Variants in ATP13A2 observed in about 807,000 individuals in gnomAD.
The protein encoded by ATP13A2 is polyamine-transporting ATPase 13A2.
In ATP13A2, 83 loss-of-function variants were observed where a neutral mutation model predicts 138.3. The ratio of observed to expected loss-of-function variants is 0.60; its 90% CI spans 0.50 to 0.72. The LOEUF (loss-of-function observed/expected upper bound fraction) is 0.72. Among genes scored for constraint, ATP13A2 ranks in the 30% least tolerant of loss-of-function variants. The pLI is 0.00. For missense variants in ATP13A2, 1,402 were observed against 1,606.4 expected (o/e 0.87, Z 2.17); for synonymous variants, 663 against 699.0 (o/e 0.95, Z 0.81).
intron 11 of ATP13A2, 129 bp downstream of exon 11, chr1:16,999,880 AAC>A (rs1327298151): frequency 2.0e-5 from 26 of 1,283,310 alleles, no homozygotes; most frequent in Non-Finnish European, 2.5e-5. Context: ...CAGCCTGGAC[AAC>A]AGAGTGAAAC....
Position 17,004,181 on chromosome 1 carries a change from G to A in ATP13A2, c.557+151C>T. The stretch of plus-strand genomic sequence containing the variant: ...GCCCTATTTATAGACAGAGATCCCA[G>A]GCCTGGAGGGGCTCAGTAACCTGCC... On this transcript the variant is annotated intron_variant, in intron 6 of 28. Coordinates refer to ENST00000326735, the MANE Select transcript of ATP13A2 (RefSeq NM_022089.4). This position sits in a 1 kb window ranked among gnomAD's most constrained non-coding sequence, Gnocchi z 4.1. 1.3e-6 allele frequency: 1 copy of A among 773,108 alleles called. No homozygotes were observed. The highest frequency in any genetic ancestry group is 1.5e-5 in the South Asian group (1 of 67,888). The allele number at this position is 773,108 out of a possible 1,614,324, so 47.9% of individuals were successfully genotyped here. A position where few individuals can be genotyped will look rare whatever the true frequency, so the allele number is the denominator to read the frequency against.
intron 15 of ATP13A2, among the ~76,000 whole-genome samples, chr1:16,994,276 G>A (rs754045133): frequency 1.5e-4 from 23 of 151,044 alleles, no homozygotes; most frequent in Non-Finnish European, 3.4e-4. Context: ...TCTGTCGCCC[G>A]CGCTGGAGTG....
At chr1:16,989,034 G>C (rs2076832441) in intron 23 of ATP13A2, among the ~76,000 whole-genome samples, 1 of 151,572 alleles carries the variant, frequency 6.6e-6, no homozygotes. Flanking sequence ...AGTGCCCTCA[G>C]CCTCTTGAGT....
At position 17,000,000 on chromosome 1, in the gene ATP13A2, T is replaced by TA. The variant is rs1394172301; in HGVS notation, c.1039+10_1039+11insT. 6.3e-7 allele frequency: 1 copy of TA among 1,599,562 alleles called. No individual in the cohort carries two copies. ...AGGAAGGAAGCTGCAGGCCAGGGGC[T>TA]GGGGGCTCACCTGTCAGAGAGCTCT... On this transcript the variant is annotated intron_variant, in intron 11 of 28. Transcript: ENST00000326735.
Position 16,986,598 on chromosome 1 carries a change from G to C in ATP13A2, c.3270C>G (p.Ser1090=). ...PFLVALALLS[S]VLVGLVLVPG... is the part of the protein sequence containing the mutation. Reference sequence around the variant, plus strand: ...GGACCAGGACAAGGCCCACCAGGACGGAGCTCAGGAGCGCCAGGGCCACCA... The same window carrying C: ...GGACCAGGACAAGGCCCACCAGGACCGAGCTCAGGAGCGCCAGGGCCACCA... The change falls in exon 28 of 29, where the codon TCC becomes TCG. Residue 1090 remains serine, a synonymous_variant. Coordinates refer to ENST00000326735, the MANE Select transcript of ATP13A2 (RefSeq NM_022089.4). The surrounding 1 kb of genome is among the most constrained non-coding windows in gnomAD (Gnocchi z 6.9). 1 of 1,610,844 alleles carries C rather than the reference G, an allele frequency of 6.2e-7. No individual in the cohort carries two copies. The highest frequency in any genetic ancestry group is 1.1e-5 in the South Asian group (1 of 91,024).
chr1:16,986,207 C>G lies in ATP13A2; in HGVS notation c.*14G>C. ...GCAGGGAGTTCCAGTGTCTGGGGTG[C>G]CCGTGGGCCTGCACTACCTCAGGGG... On this transcript the variant is annotated 3_prime_UTR_variant, in exon 29 of 29. Coordinates refer to ENST00000326735, the MANE Select transcript of ATP13A2 (RefSeq NM_022089.4). This position sits in a 1 kb window ranked among gnomAD's most constrained non-coding sequence, Gnocchi z 6.9. 6.2e-7 allele frequency: 1 copy of G among 1,612,364 alleles called. No individual in the cohort carries two copies. The highest frequency in any genetic ancestry group is 8.5e-7 in the Non-Finnish European group (1 of 1,179,584).
intron 16 of ATP13A2, among the ~76,000 whole-genome samples, chr1:16,992,876 G>A (rs2076985089): frequency 6.6e-6 from 1 of 152,218 alleles, no homozygotes; most frequent in African/African-American, 2.4e-5. Context: ...CCGTGCGCTG[G>A]CGCATAGTAG....
chr1:16,997,422 G>GT (rs1220963507), intron 11 of ATP13A2, among the ~76,000 whole-genome samples: 4 of 131,458 alleles, frequency 3.0e-5, no homozygotes, highest in African/African-American at 1.2e-4. Flanking sequence ...AGCGGGGGGG[G>GT]GTGGGTCAGA....
intron 21 of ATP13A2, 36 bp from the exon 22 acceptor site, chr1:16,990,039 C>G (rs761491667): frequency 6.2e-7 from 1 of 1,613,250 alleles, no homozygotes; most frequent in South Asian, 1.1e-5. Context: ...GCTCCCCCTG[C>G]CCACCCTGGA....
At chr1:17,010,931 G>A (rs2077763252) in intron 1 of ATP13A2, among the ~76,000 whole-genome samples, 1 of 152,174 alleles carries the variant, frequency 6.6e-6, no homozygotes, top group Non-Finnish European at 1.5e-5. Context: ...TGAGGCGGGA[G>A]TGTGTGTGAA....
chr1:16,993,612 C>T lies in ATP13A2; in HGVS notation c.1749+17G>A, dbSNP rs1388953773. 1 of 1,566,286 alleles carries T rather than the reference C, an allele frequency of 6.4e-7. No individual in the cohort carries two copies. The highest frequency in any genetic ancestry group is 1.3e-5 in the African/African-American group (1 of 74,310). On this transcript the variant is annotated intron_variant, in intron 16 of 28. Coordinates refer to ENST00000326735, the MANE Select transcript of ATP13A2 (RefSeq NM_022089.4). ...CACTGCCCAGAGGCAGGGGGCTGAC[C>T]TGCTTGGCCTCCTCACCCAGCCAGT...
At chr1:16,994,392 C>A (rs1478394892) in intron 15 of ATP13A2, among the ~76,000 whole-genome samples, 1 of 151,676 alleles carries the variant, frequency 6.6e-6, no homozygotes, top group African/African-American at 2.4e-5. Flanking sequence ...GCTACCTCGC[C>A]CACCTAATTT....
chr1:16,997,425 G>GGGGGGGGGGGGGGA (rs2077178023), intron 11 of ATP13A2, among the ~76,000 whole-genome samples: 1 of 138,058 alleles, frequency 7.2e-6, no homozygotes, highest in Non-Finnish European at 1.6e-5. Flanking sequence ...GGGGGGGGGT[G>GGGGGGGGGGGGGGA]GGTCAGACAG....
At position 16,990,258 on chromosome 1, in the gene ATP13A2, C is replaced by A. The variant is rs2076883076; in HGVS notation, c.2281G>T (p.Ala761Ser). Residue 761 changes from alanine (A) to serine (S), a missense_variant, in exon 21 of 29, where the codon GCC becomes TCC. Coordinates refer to ENST00000326735, the MANE Select transcript of ATP13A2 (RefSeq NM_022089.4). ...GDNLQTAVTV[A>S]RGCGMVAPQE... ...GGGGCCACCATGCCACAGCCCCGGG[C>A]CACAGTCACCGCTGTCTGCAGGTTG... 1.9e-6 allele frequency: 3 copies of A among 1,613,926 alleles called. No homozygotes were observed. The highest frequency in any genetic ancestry group is 1.3e-5 in the African/African-American group (1 of 74,928).
intron 16 of ATP13A2, 135 bp from the exon 17 acceptor site, chr1:16,992,716 T>A: frequency 1.2e-6 from 1 of 856,126 alleles, no homozygotes; most frequent in South Asian, 1.6e-5. Context: ...CCCGGTGGAC[T>A]CAAATTCAAA....
chr1:17,006,929 C>T (rs779772144), intron 1 of ATP13A2, among the ~76,000 whole-genome samples: 4 of 151,944 alleles, frequency 2.6e-5, no homozygotes, highest in Non-Finnish European at 5.9e-5. Context: ...CTTGCTCTGT[C>T]GCCCAGTCTG....
Position 16,986,833 on chromosome 1 carries a change from C to A in ATP13A2, c.3207G>T (p.Ala1069=), listed in dbSNP as rs137877665. 1.2e-6 allele frequency: 2 copies of A among 1,613,222 alleles called. No individual in the cohort carries two copies. Among genetic ancestry groups the A allele is most frequent in the Non-Finnish European group, 8.5e-7 (1 of 1,179,794 alleles). Residue 1069 remains alanine, a synonymous_variant, in exon 27 of 29, where the codon GCG becomes GCT. Transcript: ENST00000326735. This position sits in a 1 kb window ranked among gnomAD's most constrained non-coding sequence, Gnocchi z 6.9. ...TGGTGTAGAGCGGCCGGCGGAAGGG[C>A]GCCCCCTTGGACACGGCTGCAGCCA... ...LILAAAVSKG[A]PFRRPLYTNV...
Position 16,996,074 on chromosome 1 carries a change from G to T in ATP13A2, c.1444C>A (p.Leu482Ile). ...ALPAAMTVCT[L>I]YAQSRLRRQG... ...CTCCGCAGTCGGCTCTGGGCGTAGA[G>T]CGTGCACACAGTCATGGCAGCAGGC... Residue 482 changes from leucine (L) to isoleucine (I), a missense_variant, in exon 15 of 29, where the codon CTC (leucine) becomes ATC (isoleucine). Leu to Ile is a conservative substitution (Grantham distance 5). Transcript: ENST00000326735. 3 of 1,614,128 alleles carry T rather than the reference G, an allele frequency of 1.9e-6. No homozygotes were observed. Among genetic ancestry groups the T allele is most frequent in the Non-Finnish European group, 2.5e-6 (3 of 1,180,058 alleles).
At chr1:16,987,346 AC>A (rs1200076068) in intron 25 of ATP13A2, 77 bp from the exon 26 acceptor site, 1 of 1,366,600 alleles carries the variant, frequency 7.3e-7, no homozygotes, top group African/African-American at 1.4e-5. Context: ...CAGAGGCCCC[AC>A]CCCTGCCCCG....
Sources: allele counts gnomAD v4.1 joint callset (sites outside exome capture counted in the v4.1 genomes callset), GRCh38; gene constraint gnomAD v4.1.1; non-coding constraint Gnocchi (gnomAD v3.1); transcripts MANE v1.5; gene names NCBI Gene and HGNC (gene_info 2026-07-23, HGNC 2026-07-21).